DGKB: variants seen among roughly 807,000 people sequenced by gnomAD.
DGKB encodes 90 kDa diacylglycerol kinase.
In DGKB, 67 loss-of-function variants were observed where a neutral mutation model predicts 114.3. The ratio of observed to expected loss-of-function variants is 0.59; its 90% CI spans 0.48 to 0.72. DGKB has a LOEUF of 0.72. Ranked by LOEUF, DGKB falls within the 30% of genes least tolerant of loss-of-function variation. DGKB has a pLI of 0.00. For missense variants in DGKB, 907 were observed against 975.2 expected (o/e 0.93, Z 0.93); for synonymous variants, 398 against 323.1 (o/e 1.23, Z -2.49).
chr7:14,567,455 ATAAT>A (rs1308146215), intron 20 of DGKB, among the ~76,000 whole-genome samples: 1 of 71,408 alleles, frequency 1.4e-5, no homozygotes, highest in East Asian at 4.1e-4. Flanking sequence ...TATATTATAT[ATAAT>A]TATATATTTA....
chr7:14,510,806 G>T (rs1787872492), intron 20 of DGKB, among the ~76,000 whole-genome samples: 1 of 152,176 alleles, frequency 6.6e-6, no homozygotes, highest in Non-Finnish European at 1.5e-5. Flanking sequence ...ATGGCTTGCA[G>T]AATGAATGTT....
At chr7:14,173,762 G>A (rs1414295883) in intron 25 of DGKB, among the ~76,000 whole-genome samples, 2 of 152,162 alleles carry the variant, frequency 1.3e-5, no homozygotes, top group East Asian at 1.9e-4. Context: ...CCATGCGGCT[G>A]TGGGAAAAGT....
At chr7:14,527,960 T>A (rs1352998590) in intron 20 of DGKB, among the ~76,000 whole-genome samples, 1 of 152,060 alleles carries the variant, frequency 6.6e-6, no homozygotes, top group Non-Finnish European at 1.5e-5. Context: ...AAGATGGAAA[T>A]TTTTAGTGTG....
At chr7:14,184,630 C>A (rs1783130132) in intron 23 of DGKB, among the ~76,000 whole-genome samples, 1 of 151,990 alleles carries the variant, frequency 6.6e-6, no homozygotes, top group Non-Finnish European at 1.5e-5. Flanking sequence ...GCAAGACCCA[C>A]CCAAGGAGAG....
At chr7:14,747,777 A>ACACACACACACC (rs1564090138) in intron 4 of DGKB, among the ~76,000 whole-genome samples, 17 of 77,520 alleles carry the variant, frequency 2.2e-4, no homozygotes, top group African/African-American at 2.1e-3. Flanking sequence ...ATCCACGCGC[A>ACACACACACACC]CGCACACACA....
intron 7 of DGKB, 65 bp from the exon 8 acceptor site, chr7:14,698,234 T>A: frequency 9.8e-7 from 1 of 1,022,696 alleles, no homozygotes; most frequent in East Asian, 2.9e-5. Flanking sequence ...ATCTTTCACT[T>A]GCAGAAATTG....
intron 22 of DGKB, among the ~76,000 whole-genome samples, chr7:14,340,174 T>C (rs1252667092): frequency 6.6e-6 from 1 of 150,442 alleles, no homozygotes; most frequent in Non-Finnish European, 1.5e-5. Context: ...TTTTTTTTTT[T>C]TTTTTTTCCA....
chr7:14,392,167 A>C (rs1821426140), intron 21 of DGKB, among the ~76,000 whole-genome samples: 1 of 152,166 alleles, frequency 6.6e-6, no homozygotes, highest in Admixed American at 6.5e-5. Flanking sequence ...GGAGGTATGA[A>C]TGCATGTAAA....
At chr7:14,703,809 G>C (rs542246243) in intron 6 of DGKB, among the ~76,000 whole-genome samples, 1 of 152,016 alleles carries the variant, frequency 6.6e-6, no homozygotes, top group African/African-American at 2.4e-5. Context: ...CCTAAATATC[G>C]CTTAAAAATA....
chr7:14,791,942 CTT>C (rs1840721518), intron 2 of DGKB, among the ~76,000 whole-genome samples: 1 of 151,860 alleles, frequency 6.6e-6, no homozygotes, highest in Non-Finnish European at 1.5e-5. Context: ...TATTTTTACT[CTT>C]TGGTTCTGGT....
intron 20 of DGKB, among the ~76,000 whole-genome samples, chr7:14,509,673 G>A (rs997720285): frequency 8.5e-5 from 13 of 152,094 alleles, no homozygotes; most frequent in South Asian, 6.2e-4. Flanking sequence ...CCAATAAATC[G>A]GGCAGAGCCC....
chr7:14,974,271 G>A (rs186666636), intron 1 of DGKB, among the ~76,000 whole-genome samples: 16 of 152,110 alleles, frequency 1.1e-4, no homozygotes, highest in African/African-American at 3.6e-4. Flanking sequence ...AACACACTGC[G>A]TTTATTTTCT....
At chr7:14,161,592 C>T (rs1370413232) in intron 25 of DGKB, among the ~76,000 whole-genome samples, 1 of 151,850 alleles carries the variant, frequency 6.6e-6, no homozygotes, top group Non-Finnish European at 1.5e-5. Context: ...CACATGTTCT[C>T]ACTCATAATT....
chr7:14,685,386 GA>G, intron 9 of DGKB, 24 bp from the exon 10 acceptor site: 2 of 1,516,614 alleles, frequency 1.3e-6, no homozygotes, highest in Non-Finnish European at 1.8e-6. Flanking sequence ...AAGAGAAACA[GA>G]TTTCACTTAA....
intron 16 of DGKB, 136 bp from the exon 17 acceptor site, chr7:14,607,644 T>C (rs1804765610): frequency 1.5e-5 from 5 of 336,456 alleles, no homozygotes; most frequent in South Asian, 2.0e-4. Flanking sequence ...ATCAATTTAA[T>C]AAATTTTGAA....
intron 23 of DGKB, among the ~76,000 whole-genome samples, chr7:14,231,113 TTC>T (rs1198557591): frequency 7.5e-6 from 1 of 132,588 alleles, no homozygotes; most frequent in African/African-American, 2.7e-5. Context: ...CTTTCTTTCT[TTC>T]TTTCTTTCTT....
chr7:14,704,630 G>T (rs531094070), intron 6 of DGKB, among the ~76,000 whole-genome samples: 24 of 152,078 alleles, frequency 1.6e-4, no homozygotes, highest in African/African-American at 5.5e-4. Flanking sequence ...CTGAGAACCG[G>T]CAGACTGCCT....
In DGKB at chr7:14,320,094, C is replaced by G. The variant is rs529654604; in HGVS notation, c.2122+18421G>C. 6.6e-5 allele frequency among the ~76,000 whole-genome samples: 10 copies of G among 152,232 alleles called. No individual in the cohort carries two copies. In the East Asian group the frequency reaches 1.9e-3, roughly 29 times the overall value. ...CAAAGCAAGATAAACTATTCAAGAACTCTCATTAAAGCTTTTCCTTCTCTG... is the reference window on the plus strand; with the variant it reads ...CAAAGCAAGATAAACTATTCAAGAAGTCTCATTAAAGCTTTTCCTTCTCTG... On this transcript the variant is annotated intron_variant, in intron 23 of 25. Coordinates refer to ENST00000402815, the MANE Select transcript of DGKB (RefSeq NM_001350709.2).
chr7:14,211,283 TCTA>T (rs138449859), intron 23 of DGKB, among the ~76,000 whole-genome samples: 6,919 of 73,478 alleles, frequency 0.094, 1,326 homozygotes, highest in African/African-American at 0.3. Flanking sequence ...TTCCTTAGCC[TCTA>T]CTATGTGATA....
Sources: allele counts gnomAD v4.1 joint callset (sites outside exome capture counted in the v4.1 genomes callset), GRCh38; gene constraint gnomAD v4.1.1; transcripts MANE v1.5; gene names NCBI Gene and HGNC (gene_info 2026-07-23, HGNC 2026-07-21).